RASGEF1C: variants seen among roughly 807,000 people sequenced by gnomAD.
The protein encoded by RASGEF1C is RasGEF domain family member 1C, also known as ras-GEF domain-containing family member 1C.
RASGEF1C carries 27 observed loss-of-function variants against 58.1 expected under a neutral mutation model. The observed-to-expected ratio is 0.46, with a 90% CI of 0.34 to 0.64. The LOEUF is 0.64. Among genes scored for constraint, RASGEF1C ranks in the 30% least tolerant of loss-of-function variants. The pLI is 0.01. For missense variants in RASGEF1C, 502 were observed against 605.1 expected, an observed-to-expected ratio of 0.83 and a Z score of 1.79; for synonymous variants, 243 against 246.3, an observed-to-expected ratio of 0.99 and a Z score of 0.13.
At chr5:180,104,953 A>G (rs1765851946) in intron 12 of RASGEF1C, among the ~76,000 whole-genome samples, 1 of 152,060 alleles carries the variant, frequency 6.6e-6, no homozygotes, top group Admixed American at 6.6e-5. Context: ...GTCCCCTATT[A>G]TCTGTGGGGG....
At position 180,197,279 on chromosome 5, in the gene RASGEF1C, G is replaced by C. The variant is rs868016766; in HGVS notation, c.-7+11749C>G. On this transcript the variant is annotated intron_variant, in intron 1 of 13. Transcript: ENST00000361132. The surrounding 1 kb of genome is among the most constrained non-coding windows in gnomAD (Gnocchi z 4.7). Reference sequence around the variant, plus strand: ...TCAACAATGGCTGGGACAGAGGGGAGCCCGAACCCTGGGACGGCAGGGGGA... The same window carrying C: ...TCAACAATGGCTGGGACAGAGGGGACCCCGAACCCTGGGACGGCAGGGGGA... Among the ~76,000 whole-genome samples the C allele has an allele frequency of 1.3e-5, 2 of 152,228 alleles. No individual in the cohort carries two copies. Among genetic ancestry groups the C allele is most frequent in the African/African-American group, 4.8e-5 (2 of 41,470 alleles).
chr5:180,129,669 G>A (rs1322234880), intron 4 of RASGEF1C, among the ~76,000 whole-genome samples: 8 of 152,308 alleles, frequency 5.3e-5, no homozygotes, highest in Non-Finnish European at 8.8e-5. Flanking sequence ...GCCACCCTTC[G>A]TTATTTCCCG....
At chr5:180,165,548 G>A (rs952897848) in intron 1 of RASGEF1C, among the ~76,000 whole-genome samples, 3 of 151,394 alleles carry the variant, frequency 2.0e-5, no homozygotes, top group African/African-American at 7.3e-5. Flanking sequence ...GCATGGGCCT[G>A]TATTCCCAGC....
intron 1 of RASGEF1C, among the ~76,000 whole-genome samples, chr5:180,153,633 C>T (rs975045563): frequency 1.3e-5 from 2 of 152,222 alleles, no homozygotes; most frequent in African/African-American, 2.4e-5. Flanking sequence ...CTTTAACTGG[C>T]TATTGCTACT....
chr5:180,186,269 T>C (rs187561297), intron 1 of RASGEF1C, among the ~76,000 whole-genome samples: 389 of 152,238 alleles, frequency 2.6e-3, no homozygotes, highest in Admixed American at 8.2e-3. Context: ...CATGATCCCA[T>C]ATATACAAAA....
chr5:180,142,667 G>A (rs115106167), intron 1 of RASGEF1C, among the ~76,000 whole-genome samples: 428 of 152,272 alleles, frequency 2.8e-3, no homozygotes, highest in African/African-American at 9.9e-3. Flanking sequence ...ACAGAAAACA[G>A]TGTGGCACAA....
At chr5:180,180,829 T>C (rs769500726) in intron 1 of RASGEF1C, among the ~76,000 whole-genome samples, 1 of 152,178 alleles carries the variant, frequency 6.6e-6, no homozygotes, top group African/African-American at 2.4e-5. Context: ...AGCACCCAGA[T>C]TGAGAAGCAG....
chr5:180,146,603 ATC>A (rs1177636993), intron 1 of RASGEF1C, among the ~76,000 whole-genome samples: 3 of 151,632 alleles, frequency 2.0e-5, no homozygotes, highest in African/African-American at 4.8e-5. Flanking sequence ...CATCATGTTA[ATC>A]TATTGTATTA....
At chr5:180,141,699 G>A (rs1766582439) in intron 1 of RASGEF1C, among the ~76,000 whole-genome samples, 1 of 148,504 alleles carries the variant, frequency 6.7e-6, no homozygotes, top group Non-Finnish European at 1.5e-5. Flanking sequence ...TACATTTTAT[G>A]TTATGTGTAT....
rs926109681 is a variant in RASGEF1C at position 180,137,224 on chromosome 5, A to G, written c.300+366T>C. Among the ~76,000 whole-genome samples, 1 of 152,118 alleles carries G rather than the reference A, an allele frequency of 6.6e-6. No homozygotes were observed. The highest frequency in any genetic ancestry group is 6.5e-5 in the Admixed American group (1 of 15,278). On this transcript the variant is annotated intron_variant, in intron 3 of 13. Transcript: ENST00000361132. The surrounding 1 kb of genome is among the most constrained non-coding windows in gnomAD (Gnocchi z 4.1). ...GTAGAGCCCTACCGACGCGTGTGCA[A>G]TAGAGGCAGCCCGCAGGACCCGGCC... is the stretch of plus-strand genomic sequence containing the variant.
At chr5:180,149,389 G>A (rs920296288) in intron 1 of RASGEF1C, among the ~76,000 whole-genome samples, 5 of 150,638 alleles carry the variant, frequency 3.3e-5, no homozygotes, top group African/African-American at 9.8e-5. Context: ...CACTGTGCCC[G>A]CCAAGGCCTC....
At chr5:180,133,691 T>G (rs186992869) in intron 4 of RASGEF1C, among the ~76,000 whole-genome samples, 1 of 150,230 alleles carries the variant, frequency 6.7e-6, no homozygotes, top group African/African-American at 2.5e-5. Flanking sequence ...GAAAGCAAAA[T>G]GTGTGTGAGG....
chr5:180,137,950 C>G lies in RASGEF1C; in HGVS notation c.103G>C (p.Asp35His), dbSNP rs752507573. 6.2e-7 allele frequency: 1 copy of G among 1,612,236 alleles called. No individual in the cohort carries two copies. The highest frequency in any genetic ancestry group is 8.5e-7 in the Non-Finnish European group (1 of 1,179,416). Residue 35 changes from aspartate (D) to histidine (H), a missense_variant, in exon 2 of 14, where the codon GAT becomes CAT. Coordinates refer to ENST00000361132, the MANE Select transcript of RASGEF1C (RefSeq NM_175062.4). This position sits in a 1 kb window ranked among gnomAD's most constrained non-coding sequence, Gnocchi z 4.1. ...AGGGAGGCTGAGGATGGCGCTCCAT[C>G]CAGGAGGGGCTGCCCAGCCTGTTCG... ...DGEQAGQPLLDGAPSSASLET... is the reference protein window; with the variant it reads ...DGEQAGQPLLHGAPSSASLET...
chr5:180,113,362 C>T (rs1406210161), intron 11 of RASGEF1C, among the ~76,000 whole-genome samples: 1 of 41,864 alleles, frequency 2.4e-5, no homozygotes, highest in African/African-American at 9.9e-5. Flanking sequence ...ACTGAGGGAT[C>T]CGGGATGGAC....
intron 1 of RASGEF1C, among the ~76,000 whole-genome samples, chr5:180,180,933 C>A (rs1183982094): frequency 6.6e-6 from 1 of 152,234 alleles, no homozygotes; most frequent in Non-Finnish European, 1.5e-5. Context: ...GGGATCGCCG[C>A]ATACAGCACT....
intron 1 of RASGEF1C, among the ~76,000 whole-genome samples, chr5:180,163,273 G>T (rs1766973980): frequency 9.6e-6 from 1 of 103,646 alleles, no homozygotes; most frequent in Non-Finnish European, 1.9e-5. Context: ...GCACTGGCTA[G>T]GACTTCCAGT....
chr5:180,117,678 T>C (rs4451016), intron 10 of RASGEF1C, among the ~76,000 whole-genome samples: 152,089 of 152,278 alleles, frequency 1, 75,950 homozygotes, highest in Non-Finnish European at 1. Flanking sequence ...CCGCAGAGGC[T>C]CCACAAATGC....
At chr5:180,163,102 T>C (rs1247302951) in intron 1 of RASGEF1C, among the ~76,000 whole-genome samples, 2 of 152,120 alleles carry the variant, frequency 1.3e-5, no homozygotes, top group African/African-American at 4.8e-5. Flanking sequence ...TAGAAACCTA[T>C]GCATTAATTC....
At chr5:180,103,091 T>C (rs943881278) in intron 12 of RASGEF1C, among the ~76,000 whole-genome samples, 6 of 152,198 alleles carry the variant, frequency 3.9e-5, no homozygotes, top group South Asian at 4.1e-4. Context: ...ATTAACTTTT[T>C]TTTGAGACAG....
Sources: gnomAD v4.1 joint callset for allele counts (sites outside exome capture counted in the v4.1 genomes callset) on GRCh38, gnomAD v4.1.1 for gene constraint, Gnocchi (gnomAD v3.1) non-coding constraint, MANE v1.5 for transcripts, NCBI Gene and HGNC (gene_info 2026-07-23, HGNC 2026-07-21) for gene names.